Variants in MGAT4A observed in about 807,000 individuals in gnomAD.
MGAT4A encodes the protein alpha-1,3-mannosyl-glycoprotein 4-beta-N-acetylglucosaminyltransferase A, also known as N-acetylglucosaminyltransferase IVa.
In MGAT4A, 33 loss-of-function variants were observed where a neutral mutation model predicts 74.1. The observed-to-expected ratio is 0.45, with a 90% confidence interval of 0.34 to 0.60. The LOEUF is 0.60. MGAT4A is among the 20% of genes least tolerant of loss of function. MGAT4A has a pLI of 0.02. For missense variants in MGAT4A, 479 were observed against 628.3 expected (o/e 0.76, Z 2.54); for synonymous variants, 198 against 210.4 (o/e 0.94, Z 0.51).
At chr2:98,655,628 A>G in intron 7 of MGAT4A, 108 bp from the exon 8 acceptor site, 2 of 690,718 alleles carry the variant, frequency 2.9e-6, no homozygotes, top group Non-Finnish European at 5.0e-6. Flanking sequence ...ATCTATGTAT[A>G]TGTGTACACA....
At chr2:98,727,434 A>T (rs1702782884) in intron 1 of MGAT4A, among the ~76,000 whole-genome samples, 1 of 152,216 alleles carries the variant, frequency 6.6e-6, no homozygotes, top group African/African-American at 2.4e-5. Flanking sequence ...AACTGTACTA[A>T]AAACCAAACT....
At chr2:98,668,814 T>C (rs963173396) in intron 4 of MGAT4A, among the ~76,000 whole-genome samples, 1 of 152,252 alleles carries the variant, frequency 6.6e-6, no homozygotes, top group Non-Finnish European at 1.5e-5. Context: ...CAGTGTGACC[T>C]GGACGTGAGA....
rs964110226 is a variant in MGAT4A, at chr2:98,636,671, C to T, written c.1323-76G>A. On this transcript the variant is annotated intron_variant, in intron 12 of 15. Transcript: ENST00000393487. ...AAGATTCAAGAAAATGACCTTACCT[C>T]AGAGTCAGCTTTTCTACACAAGACT... The T allele has an allele frequency of 4.7e-6, 6 of 1,280,400 alleles. No individual in the cohort carries two copies. The African/African-American group carries it at 7.4e-5, about 16-fold the overall frequency. The allele number at this position is 1,280,400 out of a possible 1,614,324, so 79.3% of individuals were successfully genotyped here. A position where few individuals can be genotyped will look rare whatever the true frequency, so the allele number is the denominator to read the frequency against.
intron 2 of MGAT4A, among the ~76,000 whole-genome samples, chr2:98,712,993 C>T (rs752165721): frequency 8.6e-5 from 13 of 151,816 alleles, no homozygotes; most frequent in Middle Eastern, 3.4e-3. Flanking sequence ...GAGACCTCAC[C>T]TCTACTAAAA....
At chr2:98,667,120 A>AT (rs67428974) in intron 4 of MGAT4A, among the ~76,000 whole-genome samples, 3 of 151,850 alleles carry the variant, frequency 2.0e-5, no homozygotes, top group Non-Finnish European at 4.4e-5. Context: ...TGCCATCCAC[A>AT]TAAGATGTGA....
intron 2 of MGAT4A, among the ~76,000 whole-genome samples, chr2:98,681,888 A>G (rs1199354852): frequency 6.6e-6 from 1 of 152,216 alleles, no homozygotes; most frequent in Non-Finnish European, 1.5e-5. Context: ...AAAGAAAAAA[A>G]TGACAGGACT....
chr2:98,662,216 T>C (rs895324482), intron 5 of MGAT4A, among the ~76,000 whole-genome samples: 9 of 152,234 alleles, frequency 5.9e-5, no homozygotes, highest in African/African-American at 2.2e-4. Flanking sequence ...GTTGTTAACA[T>C]CAGAGCAAGC....
chr2:98,675,716 T>A (rs1028228586), intron 3 of MGAT4A, among the ~76,000 whole-genome samples: 26 of 151,458 alleles, frequency 1.7e-4, no homozygotes, highest in Admixed American at 6.6e-4. Flanking sequence ...TCAGCTAATT[T>A]AAAAAAAAAA....
rs1701079914 is a variant in MGAT4A at position 98,622,778 on chromosome 2, C to T, written c.*2788G>A. ...AATCTGGTCAGAGAGACAGCACACA[C>T]CATACACACAAACAATCAAAAACTA... On this transcript the variant is annotated 3_prime_UTR_variant, in exon 16 of 16. Coordinates refer to ENST00000393487, the MANE Select transcript of MGAT4A (RefSeq NM_012214.3). The T allele has an allele frequency of 1.0e-6, 1 of 985,546 alleles. No individual in the cohort carries two copies. Among genetic ancestry groups the T allele is most frequent in the Non-Finnish European group, 1.2e-6 (1 of 830,152 alleles). The allele number at this position is 985,546 out of a possible 1,614,324, so 61.1% of individuals were successfully genotyped here.
chr2:98,646,683 G>C (rs1375107654), intron 8 of MGAT4A, among the ~76,000 whole-genome samples: 1 of 152,134 alleles, frequency 6.6e-6, no homozygotes, highest in Admixed American at 6.5e-5. Context: ...CAATTTGAAG[G>C]GGTTCCCACT....
rs148288443 is a variant in MGAT4A, at chr2:98,629,918, G to A, written c.1469-4083C>T. On this transcript the variant is annotated intron_variant, in intron 14 of 15. Coordinates refer to ENST00000393487, the MANE Select transcript of MGAT4A (RefSeq NM_012214.3). ...AATTAAGCCAGGCATGGTGGCCTGC[G>A]CCTGTAATCCCAGCTAATTGGGAGG... Among the ~76,000 whole-genome samples, 862 of 152,072 alleles carry A rather than the reference G, an allele frequency of 5.7e-3. 12 individuals carry two copies. Among genetic ancestry groups the A allele is most frequent in the African/African-American group, 0.019 (803 of 41,474 alleles).
intron 2 of MGAT4A, among the ~76,000 whole-genome samples, chr2:98,711,565 T>A (rs1248207903): frequency 6.6e-6 from 1 of 152,166 alleles, no homozygotes; most frequent in African/African-American, 2.4e-5. Context: ...ATATGGTAGT[T>A]TTACAATATT....
intron 2 of MGAT4A, among the ~76,000 whole-genome samples, chr2:98,679,272 G>C (rs889259094): frequency 1.3e-5 from 2 of 152,028 alleles, no homozygotes; most frequent in African/African-American, 4.8e-5. Flanking sequence ...CAGGAGCGGT[G>C]GTGGGCGCCT....
At chr2:98,721,342 C>T (rs1368327025) in intron 2 of MGAT4A, among the ~76,000 whole-genome samples, 1 of 152,088 alleles carries the variant, frequency 6.6e-6, no homozygotes, top group Non-Finnish European at 1.5e-5. Context: ...CAAATCCACA[C>T]AAAAAGCAGC....
chr2:98,655,965 A>C (rs6542836), intron 7 of MGAT4A: 180,085 of 181,528 alleles, frequency 0.99, 89,329 homozygotes, highest in East Asian at 1. Flanking sequence ...AAAAATTACA[A>C]TTTTAGGGTC....
At chr2:98,634,971 ACT>A (rs1001187948) in intron 14 of MGAT4A, among the ~76,000 whole-genome samples, 2 of 151,910 alleles carry the variant, frequency 1.3e-5, no homozygotes, top group Non-Finnish European at 2.9e-5. Context: ...GTGCAGGCAG[ACT>A]CTCTATCAGG....
In MGAT4A at chr2:98,640,233, ATAT is replaced by A. The variant is rs772646468; in HGVS notation, c.1021-8_1021-6del. ...TTTCTGTCTATCACAATGTTTCTAA[ATAT>A]TAAAAAAAATCACGTTAGTGTTGCA... On this transcript the variant is annotated splice_polypyrimidine_tract_variant and splice_region_variant and intron_variant, in intron 10 of 15. Transcript: ENST00000393487. 2.5e-6 allele frequency: 4 copies of A among 1,602,602 alleles called. No homozygotes were observed. In the East Asian group the frequency reaches 8.9e-5, roughly 36 times the overall value.
chr2:98,641,641 A>T (rs1458310499), intron 10 of MGAT4A, among the ~76,000 whole-genome samples: 1 of 150,734 alleles, frequency 6.6e-6, no homozygotes, highest in African/African-American at 2.4e-5. Context: ...GCGCCACTGC[A>T]CTCCAGCCTA....
rs17021866 is a variant in MGAT4A at position 98,666,268 on chromosome 2, C to A, written c.404-3089G>T. 6.7e-3 allele frequency among the ~76,000 whole-genome samples: 1,022 copies of A among 152,138 alleles called. 15 individuals carry two copies. Among genetic ancestry groups the A allele is most frequent in the African/African-American group, 0.023 (950 of 41,480 alleles). On this transcript the variant is annotated intron_variant, in intron 4 of 15. Transcript: ENST00000393487. ...GGTGACTTGAGTAACTGGACGGGGG[C>A]AACTTTCACTCAGAACAACACACTT...
Sources: gnomAD v4.1 joint callset for allele counts (sites outside exome capture counted in the v4.1 genomes callset) on GRCh38, gnomAD v4.1.1 for gene constraint, MANE v1.5 for transcripts, NCBI Gene and HGNC (gene_info 2026-07-23, HGNC 2026-07-21) for gene names.